CECR2: variants seen among roughly 807,000 people sequenced by gnomAD.
CECR2 encodes the protein chromatin remodeling regulator CECR2.
CECR2 carries 30 observed loss-of-function variants against 154.5 expected under a neutral mutation model. The ratio of observed to expected loss-of-function variants is 0.19; its 90% CI spans 0.15 to 0.26. The LOEUF (loss-of-function observed/expected upper bound fraction) is 0.26, where lower values mean the gene tolerates loss of function less well. CECR2 is among the 10% of genes least tolerant of loss of function. The pLI is 1.00. For missense variants in CECR2, 1,743 were observed against 1,829.3 expected (o/e 0.95, Z 0.86); for synonymous variants, 725 against 683.7 (o/e 1.06, Z -0.94).
At chr22:17,365,665 C>T (rs1348117044), upstream of CECR2, among the ~76,000 whole-genome samples, 18 of 152,248 alleles carry the variant, frequency 1.2e-4, 1 homozygote, top group South Asian at 1.7e-3. Context: ...CACTGCACTC[C>T]AGCCTGGGTG....
intron 1 of CECR2, among the ~76,000 whole-genome samples, chr22:17,398,548 A>G (rs1262872090): frequency 1.3e-5 from 2 of 152,218 alleles, no homozygotes; most frequent in Non-Finnish European, 2.9e-5. Flanking sequence ...TGAAGAATGC[A>G]GATTCTGGAG....
intron 1 of CECR2, among the ~76,000 whole-genome samples, chr22:17,465,054 T>A (rs2055005970): frequency 6.6e-6 from 1 of 150,528 alleles, no homozygotes; most frequent in South Asian, 2.1e-4. Flanking sequence ...TGGAGTGCAG[T>A]GGCGCGATCT....
At chr22:17,480,613 G>A (rs1441906372) in intron 2 of CECR2, among the ~76,000 whole-genome samples, 1 of 152,056 alleles carries the variant, frequency 6.6e-6, no homozygotes, top group Non-Finnish European at 1.5e-5. Flanking sequence ...TTCCACATGC[G>A]GTTACTGTGA....
intron 2 of CECR2, 42 bp downstream of exon 2, chr22:17,477,724 A>AATG: frequency 7.3e-7 from 1 of 1,363,360 alleles, no homozygotes; most frequent in Non-Finnish European, 1.0e-6. Flanking sequence ...TGCGCCAAGA[A>AATG]CTAATTAACC....
intron 7 of CECR2, among the ~76,000 whole-genome samples, chr22:17,510,060 A>G (rs1035937812): frequency 5.3e-5 from 8 of 152,222 alleles, no homozygotes; most frequent in Non-Finnish European, 8.8e-5. Context: ...ACAGCTTTAT[A>G]AACTTTAATT....
intron 9 of CECR2, among the ~76,000 whole-genome samples, chr22:17,533,700 TTTTGTTTG>T (rs34947830): frequency 4.3e-4 from 65 of 150,052 alleles, no homozygotes; most frequent in Non-Finnish European, 5.5e-4. Context: ...AAGGGCCTTT[TTTTGTTTG>T]TTTGTTTGTT....
rs867749037 is a variant in CECR2, at chr22:17,476,053, A to G, written c.127-1535A>G. Among the ~76,000 whole-genome samples, 3 of 151,386 alleles carry G rather than the reference A, an allele frequency of 2.0e-5. 1 individual carries two copies. The highest frequency in any genetic ancestry group is 4.2e-4 in the South Asian group (2 of 4,730). ...GCTGGGTATTCAGGATCGCCTGTCA[A>G]TCTCAGCTCACATTACTCCCCTTCA... On this transcript the variant is annotated intron_variant, in intron 1 of 18. Coordinates refer to ENST00000262608, the MANE Select transcript of CECR2 (RefSeq NM_001290047.2).
At chr22:17,494,738 A>C (rs983115966) in intron 2 of CECR2, among the ~76,000 whole-genome samples, 21 of 152,180 alleles carry the variant, frequency 1.4e-4, no homozygotes, top group African/African-American at 4.8e-4. Flanking sequence ...TCTGTTGCCC[A>C]GGCTACAGTG....
At chr22:17,463,869 G>T (rs973509899) in intron 1 of CECR2, among the ~76,000 whole-genome samples, 1 of 152,108 alleles carries the variant, frequency 6.6e-6, no homozygotes, top group Admixed American at 6.6e-5. Context: ...AAAAGAAGAG[G>T]TCCAAGGGGT....
At position 17,548,248 on chromosome 22, in the gene CECR2, T is replaced by C. The variant is rs2056645205; in HGVS notation, c.2961T>C (p.Thr987=). Residue 987 remains threonine, a synonymous_variant, in exon 17 of 19, where the codon ACT becomes ACC. Coordinates refer to ENST00000262608, the MANE Select transcript of CECR2 (RefSeq NM_001290047.2). ...QLPHPTPPLQ[T]DCTRQSSPQE... ...CTCACCCCACACCTCCCCTGCAGACTGACTGCACCAGGCAGAGCTCACCAC... is the reference window on the plus strand; with the variant it reads ...CTCACCCCACACCTCCCCTGCAGACCGACTGCACCAGGCAGAGCTCACCAC... 2 of 1,602,252 alleles carry C rather than the reference T, an allele frequency of 1.2e-6. No individual in the cohort carries two copies. The highest frequency in any genetic ancestry group is 8.5e-7 in the Non-Finnish European group (1 of 1,174,518).
chr22:17,509,931 A>G (rs532119411), intron 7 of CECR2, among the ~76,000 whole-genome samples: 6 of 152,198 alleles, frequency 3.9e-5, no homozygotes, highest in South Asian at 4.1e-4. Context: ...GAAATAATTA[A>G]CAGAAGGTAA....
At chr22:17,461,116 A>G (rs1351494650) in intron 1 of CECR2, among the ~76,000 whole-genome samples, 1 of 152,244 alleles carries the variant, frequency 6.6e-6, no homozygotes, top group Non-Finnish European at 1.5e-5. Context: ...CTCTGCCAGC[A>G]GCTGTAGCAG....
chr22:17,501,451 G>A lies in CECR2; in HGVS notation c.650+716G>A, dbSNP rs193047661. Among the ~76,000 whole-genome samples the A allele has an allele frequency of 6.2e-4, 95 of 152,074 alleles. 2 individuals are homozygous for A. The East Asian group carries it at 0.016, about 26-fold the overall frequency. Reference sequence around the variant, plus strand: ...CGGGTGCCTGTAGTCCCAGCTACTCGGGAGGCTGAGGCAGGAGAATGACGT... The same window carrying A: ...CGGGTGCCTGTAGTCCCAGCTACTCAGGAGGCTGAGGCAGGAGAATGACGT... On this transcript the variant is annotated intron_variant, in intron 5 of 18. Transcript: ENST00000262608.
At chr22:17,462,552 G>T (rs1047515961) in intron 1 of CECR2, among the ~76,000 whole-genome samples, 2 of 152,174 alleles carry the variant, frequency 1.3e-5, no homozygotes, top group Non-Finnish European at 2.9e-5. Flanking sequence ...TAATTGGGCA[G>T]AGGTTTAGTC....
Position 17,542,798 on chromosome 22 carries a change from G to T in CECR2, c.2655G>T (p.Met885Ile), listed in dbSNP as rs1238797754. 2.5e-6 allele frequency: 4 copies of T among 1,613,942 alleles called. No individual in the cohort carries two copies. In the South Asian group the frequency reaches 3.3e-5, roughly 13 times the overall value. ...ACTCCATGATGGACAGCCCAGAGAT[G>T]ATTGCGATGCAGCAGCTCTCCTCCC... is the stretch of plus-strand genomic sequence containing the variant. Reference protein sequence around the residue: ...GGDSMMDSPEMIAMQQLSSRV... With the variant: ...GGDSMMDSPEIIAMQQLSSRV... The change falls in exon 16 of 19, where the codon ATG becomes ATT. Residue 885 changes from methionine to isoleucine, a missense_variant. By Grantham distance (10) the Met-to-Ile change is conservative (BLOSUM62 1). This residue lies in a region of CECR2 where 1,250 missense variants were observed against 1,192.1 expected (regional missense o/e 1.05). Coordinates refer to ENST00000262608, the MANE Select transcript of CECR2 (RefSeq NM_001290047.2).
intron 1 of CECR2, among the ~76,000 whole-genome samples, chr22:17,465,190 G>A (rs1173280552): frequency 6.6e-6 from 1 of 151,876 alleles, no homozygotes; most frequent in Non-Finnish European, 1.5e-5. Context: ...TAAAGACGGG[G>A]TTTCACCGTG....
intron 9 of CECR2, among the ~76,000 whole-genome samples, chr22:17,533,042 G>A (rs2056382597): frequency 6.6e-6 from 1 of 151,876 alleles, no homozygotes; most frequent in Admixed American, 6.6e-5. Context: ...ACCCGGCCAG[G>A]CGCGGTGGCT....
chr22:17,435,307 C>T (rs2054487593), intron 1 of CECR2, among the ~76,000 whole-genome samples: 2 of 152,042 alleles, frequency 1.3e-5, no homozygotes, highest in South Asian at 4.1e-4. Context: ...TTATGCATTC[C>T]ATGAAACTGA....
chr22:17,461,081 G>A lies in CECR2; in HGVS notation c.127-16507G>A, dbSNP rs118183864. Among the ~76,000 whole-genome samples the A allele has an allele frequency of 8.6e-4, 131 of 152,278 alleles. 4 individuals carry two copies. In the East Asian group the frequency reaches 0.024, roughly 27 times the overall value. The stretch of plus-strand genomic sequence containing the variant: ...CAGCATCAGGGAATCACCCATTACC[G>A]CGATGGGTTTCCCCGGTCGTGCTGC... On this transcript the variant is annotated intron_variant, in intron 1 of 18. Coordinates refer to ENST00000262608, the MANE Select transcript of CECR2 (RefSeq NM_001290047.2).
Sources: allele counts gnomAD v4.1 joint callset (sites outside exome capture counted in the v4.1 genomes callset), GRCh38; gene constraint gnomAD v4.1.1; regional missense constraint gnomAD v4.1.1; transcripts MANE v1.5; gene names NCBI Gene and HGNC (gene_info 2026-07-23, HGNC 2026-07-21).